Variants in CEP128 observed in about 807,000 individuals in gnomAD.
The protein encoded by CEP128 is centrosomal protein 128kDa.
In CEP128, 132 loss-of-function variants were observed where a neutral mutation model predicts 156.7. The observed-to-expected ratio is 0.84, with a 90% CI of 0.73 to 0.97. The LOEUF (loss-of-function observed/expected upper bound fraction) is 0.97. Among genes scored for constraint, CEP128 ranks in the 50% least tolerant of loss-of-function variants. The pLI, the probability that CEP128 is intolerant of heterozygous loss-of-function variation, is 0.00. For synonymous variants in CEP128, 469 were observed against 448.9 expected, an observed-to-expected ratio of 1.04 and a Z score of -0.57; for missense variants, 1,252 against 1,281.9, an observed-to-expected ratio of 0.98 and a Z score of 0.36.
chr14:80,556,242 C>T (rs555313645), intron 21 of CEP128, among the ~76,000 whole-genome samples: 19 of 152,210 alleles, frequency 1.2e-4, no homozygotes, highest in African/African-American at 4.3e-4. Context: ...CACCAAATAG[C>T]ATATAGCACT....
chr14:80,934,216 T>G (rs926576052), intron 2 of CEP128, among the ~76,000 whole-genome samples: 1 of 152,224 alleles, frequency 6.6e-6, no homozygotes, highest in African/African-American at 2.4e-5. Context: ...AAAACTGCTT[T>G]ACAGTACCAG....
intron 19 of CEP128, among the ~76,000 whole-genome samples, chr14:80,602,598 C>T (rs1282708521): frequency 6.6e-6 from 1 of 152,010 alleles, no homozygotes; most frequent in Non-Finnish European, 1.5e-5. Context: ...CATGAAACTC[C>T]GTCTCTTCTA....
chr14:80,644,835 G>A (rs183796840), intron 19 of CEP128, among the ~76,000 whole-genome samples: 92 of 152,038 alleles, frequency 6.1e-4, no homozygotes, highest in Non-Finnish European at 9.1e-4. Flanking sequence ...AGGCACAATA[G>A]CATACACTGC....
At chr14:80,603,636 C>A (rs1370518409) in intron 19 of CEP128, among the ~76,000 whole-genome samples, 3 of 152,128 alleles carry the variant, frequency 2.0e-5, no homozygotes, top group African/African-American at 4.8e-5. Flanking sequence ...CTAAAATAGA[C>A]ACAATTAATA....
intron 19 of CEP128, among the ~76,000 whole-genome samples, chr14:80,661,522 A>G (rs1895402797): frequency 6.6e-6 from 1 of 152,184 alleles, no homozygotes; most frequent in African/African-American, 2.4e-5. Context: ...AACAACAAAA[A>G]TAGTGGAAAT....
chr14:80,845,299 C>A (rs564056934), intron 9 of CEP128, among the ~76,000 whole-genome samples: 11 of 152,178 alleles, frequency 7.2e-5, no homozygotes, highest in African/African-American at 2.4e-4. Flanking sequence ...CATGCCATTG[C>A]TTTTACTGGA....
intron 20 of CEP128, among the ~76,000 whole-genome samples, chr14:80,562,223 T>G (rs1478294725): frequency 7.9e-5 from 12 of 152,152 alleles, no homozygotes. Context: ...TCCACTTTAG[T>G]TATGTTTGTT....
chr14:80,845,173 A>G (rs553625685), intron 9 of CEP128, among the ~76,000 whole-genome samples: 63 of 152,306 alleles, frequency 4.1e-4, no homozygotes, highest in Non-Finnish European at 7.6e-4. Context: ...AAATTTGCCA[A>G]TCTGCAAAAC....
chr14:80,893,595 TAAC>T (rs1157384816), intron 8 of CEP128, among the ~76,000 whole-genome samples: 4 of 151,710 alleles, frequency 2.6e-5, no homozygotes, highest in African/African-American at 9.7e-5. Flanking sequence ...ATATATCCCA[TAAC>T]ATCATGTTGC....
In CEP128 at chr14:80,843,310, A is replaced by G. The variant is rs184625433; in HGVS notation, c.763-2542T>C. 2.4e-4 allele frequency among the ~76,000 whole-genome samples: 36 copies of G among 152,174 alleles called. No individual in the cohort carries two copies. In the South Asian group the frequency reaches 5.2e-3, roughly 22 times the overall value. ...CACATGTTAATTCCCACACAGTCCA[A>G]TGAAATTTCCGGAGAAAAATTATAA... On this transcript the variant is annotated intron_variant, in intron 9 of 24. Coordinates refer to ENST00000555265, the MANE Select transcript of CEP128 (RefSeq NM_152446.5).
At chr14:80,659,285 T>C (rs897646693) in intron 19 of CEP128, among the ~76,000 whole-genome samples, 2 of 151,988 alleles carry the variant, frequency 1.3e-5, no homozygotes, top group Non-Finnish European at 2.9e-5. Context: ...CAAAAAAAAA[T>C]ACAGTTTCTA....
At chr14:80,597,948 T>TAAAAA (rs202140927) in intron 19 of CEP128, among the ~76,000 whole-genome samples, 1 of 26,616 alleles carries the variant, frequency 3.8e-5, no homozygotes, top group East Asian at 9.8e-4. Flanking sequence ...ATTCCTCAGC[T>TAAAAA]ACAAAAAAAA....
chr14:80,954,599 C>T (rs1032772410), intron 2 of CEP128, among the ~76,000 whole-genome samples: 1 of 152,154 alleles, frequency 6.6e-6, no homozygotes, highest in African/African-American at 2.4e-5. Flanking sequence ...ATAACCACAA[C>T]TTTTTCCTTC....
At chr14:80,770,313 C>G (rs1056161581) in intron 16 of CEP128, among the ~76,000 whole-genome samples, 14 of 152,186 alleles carry the variant, frequency 9.2e-5, no homozygotes, top group African/African-American at 3.4e-4. Flanking sequence ...TAGCTGTGTT[C>G]TAATTCAGAA....
At chr14:80,553,705 G>T (rs1890310528) in intron 21 of CEP128, among the ~76,000 whole-genome samples, 2 of 151,724 alleles carry the variant, frequency 1.3e-5, no homozygotes, top group Admixed American at 1.3e-4. Context: ...TTTTGCATGG[G>T]TATAGTTTTA....
At chr14:80,585,391 T>C (rs1217934658) in intron 19 of CEP128, among the ~76,000 whole-genome samples, 2 of 152,136 alleles carry the variant, frequency 1.3e-5, no homozygotes, top group South Asian at 2.1e-4. Context: ...AGCAGATAGA[T>C]TGTTTGTTTA....
At chr14:80,533,820 C>T (rs1187690650) in intron 21 of CEP128, among the ~76,000 whole-genome samples, 2 of 152,136 alleles carry the variant, frequency 1.3e-5, no homozygotes, top group Non-Finnish European at 2.9e-5. Context: ...CCTTTCTTTT[C>T]ATCCTTATAT....
At chr14:80,680,199 G>C (rs777381609) in intron 19 of CEP128, among the ~76,000 whole-genome samples, 1 of 152,144 alleles carries the variant, frequency 6.6e-6, no homozygotes, top group Non-Finnish European at 1.5e-5. Flanking sequence ...CTACAGCTGT[G>C]GTTTCTCCTA....
At chr14:80,778,573 T>C (rs1193544197) in intron 15 of CEP128, among the ~76,000 whole-genome samples, 4 of 152,192 alleles carry the variant, frequency 2.6e-5, no homozygotes, top group Admixed American at 2.0e-4. Context: ...TCAATACTAC[T>C]CTTATGGGGC....
Sources: allele counts gnomAD v4.1 joint callset (sites outside exome capture counted in the v4.1 genomes callset), GRCh38; gene constraint gnomAD v4.1.1; transcripts MANE v1.5; gene names NCBI Gene and HGNC (gene_info 2026-07-23, HGNC 2026-07-21).